The following PUDP variants were observed in gnomAD, a reference collection of about 807,000 sequenced individuals.
The protein encoded by PUDP is pseudouridine 5'-phosphatase.
In PUDP, 8 loss-of-function variants were observed where a neutral mutation model predicts 9.4. The observed-to-expected ratio is 0.85, with a 90% CI of 0.50 to 1.53. The LOEUF is 1.53. Ranked by LOEUF, PUDP falls within the 40% of genes most tolerant of loss-of-function variation. PUDP has a pLI of 0.00. For synonymous variants in PUDP, 99 were observed against 80.7 expected (o/e 1.23, Z -1.22); for missense variants, 188 against 189.7 (o/e 0.99, Z 0.05).
intron 3 of PUDP, among the ~76,000 whole-genome samples, chrX:6,783,355 G>A (rs750033069): frequency 2.7e-5 from 3 of 110,943 alleles, no homozygotes; most frequent in African/African-American, 6.6e-5. Flanking sequence ...TTTCGGGAAC[G>A]CCCTGCTCTG....
chrX:6,985,101 T>A (rs1412301581), intron 1 of PUDP, among the ~76,000 whole-genome samples: 1 of 111,672 alleles, frequency 9.0e-6, no homozygotes, highest in African/African-American at 3.3e-5. Flanking sequence ...GACCAATGAA[T>A]GAGATGCAGA....
chrX:7,096,282 T>A (rs1379246204), intron 2 of PUDP, among the ~76,000 whole-genome samples: 1 of 112,003 alleles, frequency 8.9e-6, no homozygotes, highest in Non-Finnish European at 1.9e-5. Context: ...TGGATCTTGG[T>A]GAATTATGTC....
chrX:7,086,207 T>C (rs1297222968), intron 2 of PUDP, among the ~76,000 whole-genome samples: 1 of 111,921 alleles, frequency 8.9e-6, no homozygotes, highest in East Asian at 2.8e-4. Context: ...ATTGCAATAG[T>C]ATATTATGGA....
intron 1 of PUDP, among the ~76,000 whole-genome samples, chrX:7,018,155 C>T: frequency 9.0e-6 from 1 of 111,724 alleles, no homozygotes; most frequent in Middle Eastern, 4.6e-3. Flanking sequence ...AAGCAGCAGC[C>T]CTTGGGGCTG....
intron 3 of PUDP, among the ~76,000 whole-genome samples, chrX:6,966,462 T>G (rs1928786097): frequency 9.0e-6 from 1 of 111,327 alleles, no homozygotes; most frequent in East Asian, 2.8e-4. Context: ...CCACCAACAC[T>G]TTATGAACTT....
chrX:6,948,599 C>T lies in PUDP; in HGVS notation c.*247+28534G>A, dbSNP rs994399827. Among the ~76,000 whole-genome samples the T allele has an allele frequency of 4.5e-5, 5 of 111,865 alleles. No homozygotes were observed. The South Asian group carries it at 1.9e-3, about 42-fold the overall frequency. ...TTTCCAACAAGCTCCCAGGTGAAGC[C>T]CACGCTATTGGTCCCAGACTGTGCC... On this transcript the variant is annotated intron_variant and NMD_transcript_variant, in intron 3 of 3. Coordinates refer to the PUDP transcript ENST00000655425.
chrX:6,898,261 C>G (rs11095243), intron 3 of PUDP, among the ~76,000 whole-genome samples: 3 of 112,411 alleles, frequency 2.7e-5, no homozygotes, highest in African/African-American at 9.6e-5. Flanking sequence ...CTCTTGAAGG[C>G]AGCTGCATAA....
intron 3 of PUDP, among the ~76,000 whole-genome samples, chrX:6,802,424 G>A (rs1374039701): frequency 8.9e-6 from 1 of 111,852 alleles, no homozygotes; most frequent in Non-Finnish European, 1.9e-5. Context: ...GGAAAACTGA[G>A]CTATGGAGCA....
rs180781899 is a variant in PUDP, at chrX:7,133,490, C to T, written c.61+14563G>A. On this transcript the variant is annotated intron_variant, in intron 1 of 3. Transcript: ENST00000381077. Reference sequence around the variant, plus strand: ...AGGGTGCAGAAGCGGCAAAGGAAGCCGGAAGTTCTGGCAATTTAAGAAAAG... The same window carrying T: ...AGGGTGCAGAAGCGGCAAAGGAAGCTGGAAGTTCTGGCAATTTAAGAAAAG... Among the ~76,000 whole-genome samples the T allele has an allele frequency of 5.4e-5, 6 of 112,127 alleles. No homozygotes were observed. The East Asian group carries it at 1.7e-3, about 32-fold the overall frequency.
intron 2 of PUDP, among the ~76,000 whole-genome samples, chrX:7,095,732 A>T (rs1931554294): frequency 8.9e-6 from 1 of 112,448 alleles, no homozygotes; most frequent in African/African-American, 3.2e-5. Flanking sequence ...GCCCAGACTT[A>T]GAAAGTAATG....
chrX:6,720,258 G>GTGTGTATATATATA (rs1555907522), intron 1 of PUDP, among the ~76,000 whole-genome samples: 22 of 48,795 alleles, frequency 4.5e-4, no homozygotes, highest in African/African-American at 1.7e-3. Context: ...GTGTGTGTGT[G>GTGTGTATATATATA]TATATATATA....
chrX:7,107,106 A>G (rs1410966978), intron 1 of PUDP, among the ~76,000 whole-genome samples: 1 of 111,951 alleles, frequency 8.9e-6, no homozygotes, highest in African/African-American at 3.3e-5. Context: ...TCTGACAAAA[A>G]TCTGGATTCA....
At chrX:6,835,090 A>G (rs1380830447) in intron 3 of PUDP, among the ~76,000 whole-genome samples, 2 of 111,491 alleles carry the variant, frequency 1.8e-5, no homozygotes, top group Admixed American at 1.9e-4. Flanking sequence ...AGGGAAGACC[A>G]GAGAAATCTG....
At chrX:6,751,357 A>G (rs1442469311) in intron 3 of PUDP, among the ~76,000 whole-genome samples, 2 of 111,369 alleles carry the variant, frequency 1.8e-5, no homozygotes. Context: ...AACTTGCTTG[A>G]CAATTCCCTT....
intron 1 of PUDP, among the ~76,000 whole-genome samples, chrX:7,003,096 G>C (rs952563618): frequency 2.0e-4 from 22 of 112,049 alleles, no homozygotes; most frequent in African/African-American, 7.2e-4. Flanking sequence ...TCCAATTCCT[G>C]AGACGAAACA....
chrX:6,819,904 C>T (rs896902590), intron 3 of PUDP, among the ~76,000 whole-genome samples: 2 of 110,645 alleles, frequency 1.8e-5, no homozygotes, highest in African/African-American at 3.3e-5. Context: ...TTAGAAAATA[C>T]GTCAGGTGTG....
At chrX:7,059,283 C>T (rs1415834270) in intron 3 of PUDP, among the ~76,000 whole-genome samples, 1 of 111,657 alleles carries the variant, frequency 9.0e-6, no homozygotes, top group Non-Finnish European at 1.9e-5. Flanking sequence ...GACTTCAAGA[C>T]AGCTCAAAAA....
rs1465287704 is a variant in PUDP, at chrX:6,934,507, G to A, written c.*247+42626C>T. On this transcript the variant is annotated intron_variant and NMD_transcript_variant, in intron 3 of 3. Coordinates refer to the PUDP transcript ENST00000655425. ...GTGCTAAACATGGAAAGGAACAACC[G>A]GTACCAGCCGCTGCAAAATCATGCC... Among the ~76,000 whole-genome samples, 16 of 109,764 alleles carry A rather than the reference G, an allele frequency of 1.5e-4. 1 individual carries two copies. The highest frequency in any genetic ancestry group is 5.7e-4 in the East Asian group (2 of 3,491).
In PUDP at chrX:6,988,967, G is replaced by C. The variant is rs1411410269; in HGVS notation, c.205-10624C>G. Among the ~76,000 whole-genome samples the C allele has an allele frequency of 5.4e-5, 6 of 111,492 alleles. No individual in the cohort carries two copies. The East Asian group carries it at 1.7e-3, about 32-fold the overall frequency. ...GGCCTGCCTGTTCAGCTGTTAGTGAGACCTAGCCTGCCACATGCATACCCA... is the reference window on the plus strand; with the variant it reads ...GGCCTGCCTGTTCAGCTGTTAGTGACACCTAGCCTGCCACATGCATACCCA... On this transcript the variant is annotated intron_variant and NMD_transcript_variant, in intron 1 of 3. Coordinates refer to the PUDP transcript ENST00000655425.
Sources: gnomAD v4.1 joint callset for allele counts (sites outside exome capture counted in the v4.1 genomes callset) on GRCh38, gnomAD v4.1.1 for gene constraint, MANE v1.5 for transcripts, NCBI Gene and HGNC (gene_info 2026-07-23, HGNC 2026-07-21) for gene names.